VAMP7: variants seen among roughly 807,000 people sequenced by gnomAD.
VAMP7 encodes vesicle associated membrane protein 7.
VAMP7 carries 14 observed loss-of-function variants against 29.6 expected under a neutral mutation model. The ratio of observed to expected loss-of-function variants is 0.47; its 90% CI spans 0.31 to 0.74. VAMP7 has a LOEUF of 0.74. Among genes scored for constraint, VAMP7 ranks in the 30% least tolerant of loss-of-function variants. The pLI, the probability that VAMP7 is intolerant of heterozygous loss-of-function variation, is 0.05. For synonymous variants in VAMP7, 95 were observed against 88.1 expected (o/e 1.08, Z -0.44); for missense variants, 223 against 262.4 (o/e 0.85, Z 1.04).
intron 5 of VAMP7, among the ~76,000 whole-genome samples, chrX:155,907,722 CT>C (rs1259265918): frequency 1.3e-5 from 2 of 152,152 alleles, no homozygotes; most frequent in African/African-American, 4.8e-5. Context: ...TTTTCCCCAC[CT>C]TTCCCCCTTT....
chrX:155,942,514 C>G lies in VAMP7; in HGVS notation c.*563C>G, dbSNP rs143419646. 0.014 allele frequency: 3,303 copies of G among 230,682 alleles called. 39 individuals are homozygous for G. Among genetic ancestry groups the G allele is most frequent in the Non-Finnish European group, 0.021 (2,444 of 117,180 alleles). The allele number at this position is 230,682 out of a possible 1,614,324, so 14.3% of individuals were successfully genotyped here. On this transcript the variant is annotated 3_prime_UTR_variant, in exon 8 of 8. Transcript: ENST00000286448. Reference sequence around the variant, plus strand: ...ATTCTTATTTCAGTTAGATGGGGAACATTTTGCTAGCCCATTAGAAGCACA... The same window carrying G: ...ATTCTTATTTCAGTTAGATGGGGAAGATTTTGCTAGCCCATTAGAAGCACA...
intron 6 of VAMP7, among the ~76,000 whole-genome samples, chrX:155,936,912 GTAA>G (rs2066667730): frequency 6.6e-6 from 1 of 152,144 alleles, no homozygotes; most frequent in Non-Finnish European, 1.5e-5. Flanking sequence ...AACCAAGGAT[GTAA>G]TAATGTGCAC....
In VAMP7 at chrX:155,942,175, TAAA is replaced by T; in HGVS notation, c.*227_*229del. On this transcript the variant is annotated 3_prime_UTR_variant, in exon 8 of 8. Coordinates refer to ENST00000286448, the MANE Select transcript of VAMP7 (RefSeq NM_005638.6). ...GAACCATTCATTGCAGCAGTAGCCT[TAAA>T]AAGGCTTTTGTTTATTTCTTTGGTT... 1 of 1,538,444 alleles carries T rather than the reference TAAA, an allele frequency of 6.5e-7. No homozygotes were observed. Among genetic ancestry groups the T allele is most frequent in the East Asian group, 2.5e-5 (1 of 40,762 alleles).
chrX:155,896,952 AATATAT>A (rs1003856589), intron 3 of VAMP7, among the ~76,000 whole-genome samples: 25 of 150,394 alleles, frequency 1.7e-4, no homozygotes, highest in South Asian at 4.2e-4. Context: ...ATTATATTGA[AATATAT>A]ATATATATAG....
intron 5 of VAMP7, among the ~76,000 whole-genome samples, chrX:155,912,897 A>C (rs775118662): frequency 2.6e-5 from 4 of 152,130 alleles, no homozygotes; most frequent in Non-Finnish European, 5.9e-5. Flanking sequence ...TGCTGGGTCA[A>C]ATGGTATTTC....
intron 4 of VAMP7, among the ~76,000 whole-genome samples, chrX:155,898,978 T>C (rs1189903741): frequency 6.6e-6 from 1 of 152,078 alleles, no homozygotes; most frequent in East Asian, 1.9e-4. Flanking sequence ...ATCAGTAGTT[T>C]GTTCCCCTTT....
At chrX:155,883,599 A>G (rs564274713) in intron 1 of VAMP7, among the ~76,000 whole-genome samples, 142 of 152,136 alleles carry the variant, frequency 9.3e-4, no homozygotes, top group Middle Eastern at 6.8e-3. Context: ...GACTATCACC[A>G]TGTGCTATGT....
At chrX:155,908,401 A>T (rs1323785888) in intron 5 of VAMP7, among the ~76,000 whole-genome samples, 1 of 152,210 alleles carries the variant, frequency 6.6e-6, no homozygotes, top group Non-Finnish European at 1.5e-5. Context: ...CACCAAAAAA[A>T]TACGAAAACC....
intron 1 of VAMP7, among the ~76,000 whole-genome samples, chrX:155,883,236 T>G (rs2065825145): frequency 6.6e-6 from 1 of 152,170 alleles, no homozygotes; most frequent in East Asian, 1.9e-4. Context: ...CTTCTTTATG[T>G]AAGGCCATCA....
At chrX:155,895,723 G>C (rs779760417) in intron 3 of VAMP7, 43 bp downstream of exon 3, 1 of 1,543,986 alleles carries the variant, frequency 6.5e-7, no homozygotes, top group African/African-American at 1.4e-5. Flanking sequence ...TATGTGTACT[G>C]TTAATACAGC....
At chrX:155,903,757 C>T (rs1002784345) in intron 5 of VAMP7, among the ~76,000 whole-genome samples, 3 of 152,016 alleles carry the variant, frequency 2.0e-5, no homozygotes, top group African/African-American at 2.4e-5. Flanking sequence ...CACAGTTGGT[C>T]GGACTGTAAA....
intron 6 of VAMP7, among the ~76,000 whole-genome samples, chrX:155,934,460 T>A (rs1367334712): frequency 6.6e-6 from 1 of 152,200 alleles, no homozygotes; most frequent in Non-Finnish European, 1.5e-5. Flanking sequence ...TGTAATGGCC[T>A]TCTTTGTCTC....
intron 6 of VAMP7, among the ~76,000 whole-genome samples, chrX:155,931,763 T>C (rs1277167126): frequency 1.3e-5 from 2 of 152,208 alleles, no homozygotes; most frequent in Non-Finnish European, 1.5e-5. Flanking sequence ...TTTGGTGTTT[T>C]AGATATGAAG....
chrX:155,904,975 G>A lies in VAMP7; in HGVS notation c.433+4388G>A, dbSNP rs772240899. 1.4e-3 allele frequency among the ~76,000 whole-genome samples: 204 copies of A among 150,492 alleles called. 3 individuals are homozygous for A. Among genetic ancestry groups the A allele is most frequent in the African/African-American group, 4.6e-3 (188 of 41,194 alleles). On this transcript the variant is annotated intron_variant, in intron 5 of 7. Transcript: ENST00000286448. ...TAGGAATAGAATTGCTGGATCACAT[G>A]GCAACTTTGTAACATTTTGAAGAAG...
chrX:155,935,129 T>A (rs965097697), intron 6 of VAMP7, among the ~76,000 whole-genome samples: 10 of 152,232 alleles, frequency 6.6e-5, no homozygotes, highest in African/African-American at 2.2e-4. Flanking sequence ...TGGCTGCCCT[T>A]AACATTTTTT....
intron 6 of VAMP7, among the ~76,000 whole-genome samples, chrX:155,936,576 G>T (rs926563521): frequency 2.0e-5 from 3 of 152,172 alleles, no homozygotes; most frequent in African/African-American, 7.2e-5. Flanking sequence ...GGAGTGATCC[G>T]ATTTTCCAGG....
At chrX:155,887,970 G>A (rs1602902777) in intron 1 of VAMP7, among the ~76,000 whole-genome samples, 2 of 151,252 alleles carry the variant, frequency 1.3e-5, no homozygotes, top group African/African-American at 4.9e-5. Context: ...AAACAGAACA[G>A]TAGGATCCAC....
intron 2 of VAMP7, among the ~76,000 whole-genome samples, chrX:155,894,126 G>A (rs997765466): frequency 5.9e-5 from 9 of 151,994 alleles, no homozygotes; most frequent in East Asian, 1.9e-4. Flanking sequence ...CCTGTCTCAC[G>A]CCAGTCACCA....
Position 155,898,181 on chromosome X carries a change from T to C in VAMP7, c.274T>C (p.Ser92Pro). The C allele has an allele frequency of 6.2e-7, 1 of 1,613,668 alleles. No individual in the cohort carries two copies. The highest frequency in any genetic ancestry group is 1.3e-5 in the African/African-American group (1 of 75,032). ...GAAGAGGTTCCAGACTACTTACGGTTCAAGAGCACAGACAGCACTTCCATA... is the reference window on the plus strand; with the variant it reads ...GAAGAGGTTCCAGACTACTTACGGTCCAAGAGCACAGACAGCACTTCCATA... ...IKKRFQTTYGSRAQTALPYAM... is the reference protein window; with the variant it reads ...IKKRFQTTYGPRAQTALPYAM... The change falls in exon 4 of 8, where the codon TCA becomes CCA. Residue 92 changes from serine (S) to proline (P), a missense_variant. Ser to Pro is a moderately conservative substitution (Grantham distance 74). Transcript: ENST00000286448.
Sources: allele counts gnomAD v4.1 joint callset (sites outside exome capture counted in the v4.1 genomes callset), GRCh38; gene constraint gnomAD v4.1.1; transcripts MANE v1.5; gene names NCBI Gene and HGNC (gene_info 2026-07-23, HGNC 2026-07-21).